CCDC158: variants seen among roughly 807,000 people sequenced by gnomAD.
CCDC158 encodes coiled-coil domain containing 158, also known as coiled-coil domain-containing protein 158.
Under a neutral mutation model 138.6 loss-of-function variants are expected in CCDC158, and 116 were observed. The observed-to-expected ratio is 0.84, with a 90% CI of 0.72 to 0.98. The LOEUF is 0.98. CCDC158 is among the 50% of genes least tolerant of loss of function. The probability of loss-of-function intolerance (pLI) is 0.00; values close to 1 mark genes in which losing one functional copy is unlikely to be tolerated. For synonymous variants in CCDC158, 436 were observed against 442.4 expected (o/e 0.99, Z 0.18); for missense variants, 1,265 against 1,306.1 (o/e 0.97, Z 0.48).
rs893883739 is a variant in CCDC158, at chr4:76,367,897, T to C, written c.1348-121A>G. On this transcript the variant is annotated intron_variant, in intron 11 of 24. Coordinates refer to ENST00000682701, the MANE Select transcript of CCDC158 (RefSeq NM_001394954.1). ...ATTAGGCAATGTTTAGTAAGATCTT[T>C]TTTTTTTTTTTTAAGAGATGGGGGT... 6.6e-5 allele frequency: 43 copies of C among 654,550 alleles called. No individual in the cohort carries two copies. In the East Asian group the frequency reaches 1.6e-3, roughly 24 times the overall value. 40.5% of individuals were successfully genotyped at this position (654,550 alleles called of 1,614,324 possible).
At chr4:76,328,467 A>G (rs534358567) in intron 22 of CCDC158, among the ~76,000 whole-genome samples, 1 of 152,342 alleles carries the variant, frequency 6.6e-6, no homozygotes, top group Admixed American at 6.5e-5. Context: ...ATTTACTTTT[A>G]GAGACAGGGT....
In CCDC158 at chr4:76,383,785, G is replaced by A. The variant is rs28615783; in HGVS notation, c.727-47C>T. 7,469 of 1,355,622 alleles carry A rather than the reference G, an allele frequency of 5.5e-3. 300 individuals carry two copies. In the African/African-American group the frequency reaches 0.092, roughly 17 times the overall value. 84.0% of individuals were successfully genotyped at this position (1,355,622 alleles called of 1,614,324 possible). A position where few individuals can be genotyped will look rare whatever the true frequency, so the allele number is the denominator to read the frequency against. ...TGATTTAGTTACTGGTAAATATAAG[G>A]CTTGGAAAATCTGGAGATTTTCAAC... On this transcript the variant is annotated intron_variant, in intron 6 of 24. Coordinates refer to ENST00000682701, the MANE Select transcript of CCDC158 (RefSeq NM_001394954.1).
intron 18 of CCDC158, among the ~76,000 whole-genome samples, chr4:76,340,881 T>C (rs540995281): frequency 4.7e-4 from 72 of 152,268 alleles, no homozygotes; most frequent in Non-Finnish European, 9.4e-4. Flanking sequence ...ATGAAACTGG[T>C]CACTGGTGCC....
At chr4:76,317,836 G>A (rs893847749) in intron 24 of CCDC158, among the ~76,000 whole-genome samples, 2 of 152,074 alleles carry the variant, frequency 1.3e-5, no homozygotes, top group African/African-American at 4.8e-5. Flanking sequence ...AATAAAACTA[G>A]AAATTAACTC....
At chr4:76,354,328 T>A (rs994052556) in intron 15 of CCDC158, among the ~76,000 whole-genome samples, 10 of 151,298 alleles carry the variant, frequency 6.6e-5, no homozygotes, top group Admixed American at 4.6e-4. Flanking sequence ...GAAATAAGTC[T>A]ATATGATAAG....
At chr4:76,365,544 T>C (rs1000686110) in intron 12 of CCDC158, among the ~76,000 whole-genome samples, 2 of 152,176 alleles carry the variant, frequency 1.3e-5, no homozygotes, top group African/African-American at 4.8e-5. Context: ...CTTTAATGTC[T>C]CCCACACCAT....
intron 24 of CCDC158, among the ~76,000 whole-genome samples, chr4:76,315,194 C>T (rs1237494297): frequency 6.6e-6 from 1 of 152,154 alleles, no homozygotes. Flanking sequence ...CAGCCAAAAT[C>T]ACCTCTGGAA....
chr4:76,324,548 G>T (rs1173542310), intron 23 of CCDC158, among the ~76,000 whole-genome samples: 1 of 152,028 alleles, frequency 6.6e-6, no homozygotes, highest in Non-Finnish European at 1.5e-5. Flanking sequence ...AATAAGCGGG[G>T]GGTTGGGGGT....
rs746529199 is a variant in CCDC158 at position 76,313,185 on chromosome 4, T to G, written c.3339A>C (p.Lys1113Asn). Residue 1113 changes from lysine to asparagine, a missense_variant, in exon 25 of 25, where the codon AAA becomes AAC. Physicochemically the swap from Lys to Asn is moderately conservative, Grantham distance 94 (BLOSUM62 0). Coordinates refer to ENST00000682701, the MANE Select transcript of CCDC158 (RefSeq NM_001394954.1). ...KRIQKVKDQE[K>N]MLLK ...AAGCAACGAGTCATTTTAGTAACATTTTTTCCTGGTCTTTTACTTTCTGTA... is the reference window on the plus strand; with the variant it reads ...AAGCAACGAGTCATTTTAGTAACATGTTTTCCTGGTCTTTTACTTTCTGTA... The G allele has an allele frequency of 6.2e-7, 1 of 1,604,530 alleles. No individual in the cohort carries two copies. The highest frequency in any genetic ancestry group is 1.1e-5 in the South Asian group (1 of 89,560).
At chr4:76,329,808 C>T (rs1443818642) in intron 21 of CCDC158, among the ~76,000 whole-genome samples, 2 of 152,098 alleles carry the variant, frequency 1.3e-5, no homozygotes, top group Non-Finnish European at 2.9e-5. Context: ...TGCTTTATAA[C>T]TTTCAGTCTC....
Position 76,313,061 on chromosome 4 carries a change from C to CT in CCDC158, c.*108dup, listed in dbSNP as rs1719037739. ...AAATAGAGTTTACAAGACAGGGTAT[C>CT]TTTTATTAAATTTTCACATAAAAAG... On this transcript the variant is annotated 3_prime_UTR_variant, in exon 25 of 25. Transcript: ENST00000682701. 1 of 629,630 alleles carries CT rather than the reference C, an allele frequency of 1.6e-6. No individual in the cohort carries two copies. Among genetic ancestry groups the CT allele is most frequent in the African/African-American group, 1.9e-5 (1 of 53,352 alleles). The allele number at this position is 629,630 out of a possible 1,614,324, so 39.0% of individuals were successfully genotyped here.
At chr4:76,376,897 A>G (rs931614026) in intron 9 of CCDC158, among the ~76,000 whole-genome samples, 5 of 152,202 alleles carry the variant, frequency 3.3e-5, no homozygotes, top group African/African-American at 1.2e-4. Flanking sequence ...GCTCTTTACT[A>G]TTTAAGACTG....
intron 12 of CCDC158, among the ~76,000 whole-genome samples, chr4:76,365,912 C>G (rs1310261168): frequency 6.6e-6 from 1 of 152,194 alleles, no homozygotes; most frequent in East Asian, 1.9e-4. Context: ...ACTTAGGCTG[C>G]CTAGGTTCAA....
chr4:76,397,103 C>T lies in CCDC158; in HGVS notation c.71-617G>A, dbSNP rs560497928. ...TTTTAAAATATGTCCAAAAATTCTT[C>T]GATATTCTTCCCTTGAGGAGGTAGA... On this transcript the variant is annotated intron_variant, in intron 3 of 24. Coordinates refer to ENST00000682701, the MANE Select transcript of CCDC158 (RefSeq NM_001394954.1). Among the ~76,000 whole-genome samples, 6 of 152,044 alleles carry T rather than the reference C, an allele frequency of 3.9e-5. No individual in the cohort carries two copies. The East Asian group carries it at 5.8e-4, about 15-fold the overall frequency.
chr4:76,395,538 A>C (rs545421841), intron 4 of CCDC158, among the ~76,000 whole-genome samples: 17 of 152,260 alleles, frequency 1.1e-4, no homozygotes, highest in South Asian at 8.3e-4. Context: ...CTTGGTGCAT[A>C]ATAAGAGTTT....
At position 76,369,525 on chromosome 4, in the gene CCDC158, G is replaced by A. The variant is rs374464446; in HGVS notation, c.1248C>T (p.His416=). The A allele has an allele frequency of 2.6e-4, 423 of 1,614,036 alleles. 1 individual carries two copies. Among genetic ancestry groups the A allele is most frequent in the Non-Finnish European group, 1.3e-4 (156 of 1,180,020 alleles). ...RDTGNSITID[H]LRRELDNRNM... The stretch of plus-strand genomic sequence containing the variant: ...TCCGGTTGTCCAGTTCCCGCCGCAG[G>A]TGGTCAATGGTGATGCTGTTGCCTG... Residue 416 remains histidine, a synonymous_variant, in exon 11 of 25, where the codon CAC becomes CAT. Transcript: ENST00000682701.
intron 22 of CCDC158, among the ~76,000 whole-genome samples, chr4:76,327,158 T>C (rs1720604495): frequency 6.6e-6 from 1 of 152,174 alleles, no homozygotes; most frequent in Admixed American, 6.5e-5. Flanking sequence ...TTTACTGTCC[T>C]GAGTAATCAC....
Position 76,382,691 on chromosome 4 carries a change from A to G in CCDC158, c.833T>C (p.Val278Ala). ...RIEQLISEHE[V>A]EITGLTEKAS... The stretch of plus-strand genomic sequence containing the variant: ...TTTCTCAGTAAGTCCTGTTATTTCA[A>G]CTTCATGTTCACTTATTAACTGCTC... Residue 278 changes from valine (V) to alanine (A), a missense_variant, in exon 8 of 25, where the codon GTT becomes GCT. Val to Ala is a moderately conservative substitution (Grantham distance 64). Transcript: ENST00000682701. 2 of 1,613,140 alleles carry G rather than the reference A, an allele frequency of 1.2e-6. No homozygotes were observed. The highest frequency in any genetic ancestry group is 1.7e-6 in the Non-Finnish European group (2 of 1,179,326).
At chr4:76,406,871 A>C (rs1728871209) in intron 2 of CCDC158, among the ~76,000 whole-genome samples, 1 of 152,162 alleles carries the variant, frequency 6.6e-6, no homozygotes, top group South Asian at 2.1e-4. Flanking sequence ...ACATCAATAA[A>C]AATGAAATAA....
Sources: allele counts gnomAD v4.1 joint callset (sites outside exome capture counted in the v4.1 genomes callset), GRCh38; gene constraint gnomAD v4.1.1; transcripts MANE v1.5; gene names NCBI Gene and HGNC (gene_info 2026-07-23, HGNC 2026-07-21).